TRADD: variants seen among roughly 807,000 people sequenced by gnomAD.
The protein encoded by TRADD is tumor necrosis factor receptor type 1-associated DEATH domain protein.
A neutral mutation model predicts 31.5 loss-of-function variants in TRADD; 14 were observed. The ratio of observed to expected loss-of-function variants is 0.44; its 90% CI spans 0.29 to 0.69. The LOEUF (loss-of-function observed/expected upper bound fraction) is 0.69, where lower values mean the gene tolerates loss of function less well. Ranked by LOEUF, TRADD falls within the 30% of genes least tolerant of loss-of-function variation. The probability of loss-of-function intolerance (pLI) is 0.11; values close to 1 mark genes in which losing one functional copy is unlikely to be tolerated. For synonymous variants in TRADD, 220 were observed against 215.8 expected, an observed-to-expected ratio of 1.02 and a Z score of -0.17; for missense variants, 388 against 435.7, an observed-to-expected ratio of 0.89 and a Z score of 0.97.
chr16:67,156,172 A>C lies in TRADD; in HGVS notation c.151+338T>G. 1.4e-6 allele frequency: 2 copies of C among 1,380,912 alleles called. No homozygotes were observed. The highest frequency in any genetic ancestry group is 1.9e-6 in the Non-Finnish European group (2 of 1,048,740). 85.5% of individuals were successfully genotyped at this position (1,380,912 alleles called of 1,614,324 possible). A position where few individuals can be genotyped will look rare whatever the true frequency, so the allele number is the denominator to read the frequency against. On this transcript the variant is annotated intron_variant, in intron 2 of 4. Coordinates refer to ENST00000345057, the MANE Select transcript of TRADD (RefSeq NM_003789.4). The surrounding 1 kb of genome is among the most constrained non-coding windows in gnomAD (Gnocchi z 4.6). Reference sequence around the variant, plus strand: ...GAAAGGGGGGCCTGGAAGGGTAGGTACTGGGGAGGGGTCTTGAGCAAGGAG... The same window carrying C: ...GAAAGGGGGGCCTGGAAGGGTAGGTCCTGGGGAGGGGTCTTGAGCAAGGAG...
intron 1 of TRADD, among the ~76,000 whole-genome samples, chr16:67,158,326 T>C (rs2030775636): frequency 6.6e-6 from 1 of 152,202 alleles, no homozygotes; most frequent in Non-Finnish European, 1.5e-5. Flanking sequence ...CCGCCATGCC[T>C]GGCTAGTTTT....
chr16:67,155,781 C>G, intron 2 of TRADD, 127 bp from the exon 3 acceptor site: 5 of 1,465,082 alleles, frequency 3.4e-6, no homozygotes, highest in Non-Finnish European at 4.5e-6. Flanking sequence ...GCAGTTACCC[C>G]AGAGTACCCA....
chr16:67,156,280 A>G lies in TRADD; in HGVS notation c.151+230T>C, dbSNP rs1597229552. ...AGCCGGCTGGTGGAGGGGGGCGGGG[A>G]TGGAGCAAAGGACGTTAGTGCACAA... is the stretch of plus-strand genomic sequence containing the variant. On this transcript the variant is annotated intron_variant, in intron 2 of 4. Coordinates refer to ENST00000345057, the MANE Select transcript of TRADD (RefSeq NM_003789.4). The surrounding 1 kb of genome is among the most constrained non-coding windows in gnomAD (Gnocchi z 4.6). 8.4e-7 allele frequency: 1 copy of G among 1,196,938 alleles called. No individual in the cohort carries two copies. The highest frequency in any genetic ancestry group is 1.2e-6 in the Non-Finnish European group (1 of 859,250). The allele number at this position is 1,196,938 out of a possible 1,614,324, so 74.1% of individuals were successfully genotyped here. A position where few individuals can be genotyped will look rare whatever the true frequency, so the allele number is the denominator to read the frequency against.
rs1487136097 is a variant in TRADD at position 67,159,007 on chromosome 16, G to A, written c.-9+831C>T. On this transcript the variant is annotated intron_variant, in intron 1 of 4. Coordinates refer to ENST00000345057, the MANE Select transcript of TRADD (RefSeq NM_003789.4). The surrounding 1 kb of genome is among the most constrained non-coding windows in gnomAD (Gnocchi z 6.8). ...GGGAGTACTGGGAACCTGGAGACTG[G>A]GGATGCTTTCTCACACTCACTAGTA... Among the ~76,000 whole-genome samples, 2 of 152,176 alleles carry A rather than the reference G, an allele frequency of 1.3e-5. No homozygotes were observed. Among genetic ancestry groups the A allele is most frequent in the South Asian group, 2.1e-4 (1 of 4,824 alleles).
Position 67,154,863 on chromosome 16 carries a change from C to G in TRADD, c.725G>C (p.Arg242Pro), listed in dbSNP as rs1002167686. 6.3e-7 allele frequency: 1 copy of G among 1,597,488 alleles called. No homozygotes were observed. The change falls in exon 5 of 5, where the codon CGG becomes CCG. Residue 242 changes from arginine to proline, a missense_variant. Transcript: ENST00000345057. The surrounding 1 kb of genome is among the most constrained non-coding windows in gnomAD (Gnocchi z 5.2). The part of the protein sequence containing the change: ...KVGRSLQRGC[R>P]ALRDPALDSL... Reference sequence around the variant, plus strand: ...GTCCAGCGCCGGGTCCCGCAGCGCCCGGCAGCCTCGCTGCAGTGAGCGCCC... The same window carrying G: ...GTCCAGCGCCGGGTCCCGCAGCGCCGGGCAGCCTCGCTGCAGTGAGCGCCC...
chr16:67,155,463 G>C lies in TRADD; in HGVS notation c.343C>G (p.Gln115Glu). 2 of 1,590,996 alleles carry C rather than the reference G, an allele frequency of 1.3e-6. No individual in the cohort carries two copies. Among genetic ancestry groups the C allele is most frequent in the Non-Finnish European group, 1.7e-6 (2 of 1,176,622 alleles). ...TCGGCGCCGGCGCGCAGCTCCAGTT[G>C]CAGCGGCACCGAGTGCTGGGCGAGC... ...AALAQHSVPL[Q>E]LELRAGAERL... The change falls in exon 3 of 5, where the codon CAA becomes GAA. Residue 115 changes from glutamine (Q) to glutamate (E), a missense_variant. Transcript: ENST00000345057.
At position 67,156,094 on chromosome 16, in the gene TRADD, C is replaced by T. The variant is rs1444684400; in HGVS notation, c.151+416G>A. The T allele has an allele frequency of 2.2e-6, 3 of 1,347,936 alleles. No homozygotes were observed. Among genetic ancestry groups the T allele is most frequent in the South Asian group, 2.5e-5 (2 of 81,526 alleles). The allele number at this position is 1,347,936 out of a possible 1,614,324, so 83.5% of individuals were successfully genotyped here. Reference sequence around the variant, plus strand: ...AGGGGCTCTCGCCGCTCTGAGGCCACGAACAGATCCCCCAACCCGCTTCAG... The same window carrying T: ...AGGGGCTCTCGCCGCTCTGAGGCCATGAACAGATCCCCCAACCCGCTTCAG... On this transcript the variant is annotated intron_variant, in intron 2 of 4. Coordinates refer to ENST00000345057, the MANE Select transcript of TRADD (RefSeq NM_003789.4). The surrounding 1 kb of genome is among the most constrained non-coding windows in gnomAD (Gnocchi z 4.6).
chr16:67,156,596 G>A lies in TRADD; in HGVS notation c.65C>T (p.Ser22Leu), dbSNP rs771540228. The change falls in exon 2 of 5, where the codon TCG (serine) becomes TTG (leucine). Residue 22 changes from serine to leucine, a missense_variant. Transcript: ENST00000345057. This position sits in a 1 kb window ranked among gnomAD's most constrained non-coding sequence, Gnocchi z 4.6. ...VGSAYLFVES[S>L]LDKVVLSDAY... ...ATCCGACAGGACCACCTTGTCCAGC[G>A]AGGACTCCACAAACAGGTATGCGCT... The A allele has an allele frequency of 5.6e-6, 9 of 1,613,946 alleles. No homozygotes were observed. Among genetic ancestry groups the A allele is most frequent in the East Asian group, 4.5e-5 (2 of 44,882 alleles).
Position 67,156,523 on chromosome 16 carries a change from C to G in TRADD, c.138G>C (p.Gln46His). ...QQKVAVYRALQAALAESGGSP... is the reference protein window; with the variant it reads ...QQKVAVYRALHAALAESGGSP... ...CCATCCACGCACCTGCCAAGGCAGC[C>G]TGCAGAGCCCTGTACACTGCCACCT... is the stretch of plus-strand genomic sequence containing the variant. The change falls in exon 2 of 5, where the codon CAG (glutamine) becomes CAC (histidine). Residue 46 changes from glutamine (Q) to histidine (H), a missense_variant. Gln to His is a conservative substitution (Grantham distance 24, BLOSUM62 0). Coordinates refer to ENST00000345057, the MANE Select transcript of TRADD (RefSeq NM_003789.4). The surrounding 1 kb of genome is among the most constrained non-coding windows in gnomAD (Gnocchi z 4.6). The G allele has an allele frequency of 6.2e-7, 1 of 1,613,118 alleles. No homozygotes were observed. Among genetic ancestry groups the G allele is most frequent in the Non-Finnish European group, 8.5e-7 (1 of 1,180,032 alleles).
In TRADD at chr16:67,156,221, G is replaced by A. The variant is rs971644175; in HGVS notation, c.151+289C>T. ...AGTGCTGCAGTAAGAGAGGAAAAGAGGAGAGAGACATCCACAATTAGTAGA... is the reference window on the plus strand; with the variant it reads ...AGTGCTGCAGTAAGAGAGGAAAAGAAGAGAGAGACATCCACAATTAGTAGA... On this transcript the variant is annotated intron_variant, in intron 2 of 4. Coordinates refer to ENST00000345057, the MANE Select transcript of TRADD (RefSeq NM_003789.4). This position sits in a 1 kb window ranked among gnomAD's most constrained non-coding sequence, Gnocchi z 4.6. 2 of 1,455,952 alleles carry A rather than the reference G, an allele frequency of 1.4e-6. No individual in the cohort carries two copies. The highest frequency in any genetic ancestry group is 1.8e-6 in the Non-Finnish European group (2 of 1,095,198). 90.2% of individuals were successfully genotyped at this position (1,455,952 alleles called of 1,614,324 possible).
At chr16:67,157,825 A>G (rs186247244) in intron 1 of TRADD, among the ~76,000 whole-genome samples, 1 of 152,286 alleles carries the variant, frequency 6.6e-6, no homozygotes, top group East Asian at 1.9e-4. Context: ...GAACCACTGC[A>G]CTGACCTACA....
chr16:67,154,237 G>T lies in TRADD; in HGVS notation c.*412C>A, dbSNP rs147846332. ...TTTATTATCATTGCTTAACATTCGG[G>T]GTCCCACGCTGAGTGTGAGCTGGGG... On this transcript the variant is annotated 3_prime_UTR_variant, in exon 5 of 5. Coordinates refer to ENST00000345057, the MANE Select transcript of TRADD (RefSeq NM_003789.4). The surrounding 1 kb of genome is among the most constrained non-coding windows in gnomAD (Gnocchi z 5.2). 9.9e-4 allele frequency: 272 copies of T among 276,044 alleles called. 1 individual carries two copies. The highest frequency in any genetic ancestry group is 5.7e-3 in the African/African-American group (262 of 45,618). The allele number at this position is 276,044 out of a possible 1,614,324, so 17.1% of individuals were successfully genotyped here.
rs777019195 is a variant in TRADD at position 67,156,619 on chromosome 16, G to A, written c.42C>T (p.Ser14=). 6.8e-6 allele frequency: 11 copies of A among 1,613,924 alleles called. No individual in the cohort carries two copies. Among genetic ancestry groups the A allele is most frequent in the Middle Eastern group, 1.6e-4 (1 of 6,084 alleles). ...GCGAGGACTCCACAAACAGGTATGC[G>A]CTGCCCACCCACTCTTCGTGCCCAT... ...GQNGHEEWVG[S]AYLFVESSLD... is the part of the protein sequence containing the mutation. Residue 14 remains serine (S), a synonymous_variant, in exon 2 of 5, where the codon AGC becomes AGT. Transcript: ENST00000345057. The surrounding 1 kb of genome is among the most constrained non-coding windows in gnomAD (Gnocchi z 4.6).
rs1216354045 is a variant in TRADD at position 67,159,644 on chromosome 16, C to A, written c.-9+194G>T. 6.6e-6 allele frequency among the ~76,000 whole-genome samples: 1 copy of A among 152,336 alleles called. No homozygotes were observed. The highest frequency in any genetic ancestry group is 1.9e-4 in the East Asian group (1 of 5,162). On this transcript the variant is annotated intron_variant, in intron 1 of 4. Coordinates refer to ENST00000345057, the MANE Select transcript of TRADD (RefSeq NM_003789.4). This position sits in a 1 kb window ranked among gnomAD's most constrained non-coding sequence, Gnocchi z 6.8. ...TGCACCTCGAAAGTGCTGGCAGGGA[C>A]GAGGAGCCTGCGGGGGCCAAATTCC...
At position 67,156,173 on chromosome 16, in the gene TRADD, C is replaced by G. The variant is rs2030688891; in HGVS notation, c.151+337G>C. The G allele has an allele frequency of 9.3e-6, 13 of 1,390,782 alleles. No homozygotes were observed. Among genetic ancestry groups the G allele is most frequent in the Non-Finnish European group, 1.2e-5 (13 of 1,055,198 alleles). 86.2% of individuals were successfully genotyped at this position (1,390,782 alleles called of 1,614,324 possible). A position where few individuals can be genotyped will look rare whatever the true frequency, so the allele number is the denominator to read the frequency against. On this transcript the variant is annotated intron_variant, in intron 2 of 4. Coordinates refer to ENST00000345057, the MANE Select transcript of TRADD (RefSeq NM_003789.4). The surrounding 1 kb of genome is among the most constrained non-coding windows in gnomAD (Gnocchi z 4.6). ...AAAGGGGGGCCTGGAAGGGTAGGTA[C>G]TGGGGAGGGGTCTTGAGCAAGGAGT...
chr16:67,155,823 A>G (rs760995861), intron 2 of TRADD, 169 bp from the exon 3 acceptor site: 60 of 1,473,438 alleles, frequency 4.1e-5, no homozygotes, highest in Non-Finnish European at 5.1e-5. Context: ...ACAAACAGCA[A>G]TAACCCAGAA....
chr16:67,157,366 G>A (rs942334687), intron 1 of TRADD, among the ~76,000 whole-genome samples: 1 of 152,194 alleles, frequency 6.6e-6, no homozygotes, highest in Non-Finnish European at 1.5e-5. Flanking sequence ...GCGGGGTATA[G>A]GACTTAAGTT....
rs1176318777 is a variant in TRADD at position 67,156,859 on chromosome 16, C to G, written c.-8-191G>C. Among the ~76,000 whole-genome samples, 1 of 152,200 alleles carries G rather than the reference C, an allele frequency of 6.6e-6. No homozygotes were observed. Among genetic ancestry groups the G allele is most frequent in the Non-Finnish European group, 1.5e-5 (1 of 68,020 alleles). On this transcript the variant is annotated intron_variant, in intron 1 of 4. Transcript: ENST00000345057. This position sits in a 1 kb window ranked among gnomAD's most constrained non-coding sequence, Gnocchi z 4.6. The stretch of plus-strand genomic sequence containing the variant: ...ATCTCACAGGAAGCCCCTTGAGCTC[C>G]TGGCTCTGTACAGAGTCCCACCCGC...
At position 67,156,056 on chromosome 16, in the gene TRADD, G is replaced by T. The variant is rs779077151; in HGVS notation, c.152-402C>A. ...GCCTCCACCAAGCGCGACTCCCACT[G>T]CTCGGGAAGAAGAGGGGCTCTCGCC... On this transcript the variant is annotated intron_variant, in intron 2 of 4. Transcript: ENST00000345057. This position sits in a 1 kb window ranked among gnomAD's most constrained non-coding sequence, Gnocchi z 4.6. 409 of 1,356,158 alleles carry T rather than the reference G, an allele frequency of 3.0e-4. No homozygotes were observed. The highest frequency in any genetic ancestry group is 3.8e-4 in the Non-Finnish European group (390 of 1,033,708). 84.0% of individuals were successfully genotyped at this position (1,356,158 alleles called of 1,614,324 possible). A position where few individuals can be genotyped will look rare whatever the true frequency, so the allele number is the denominator to read the frequency against.
Sources: gnomAD v4.1 joint callset for allele counts (sites outside exome capture counted in the v4.1 genomes callset) on GRCh38, gnomAD v4.1.1 for gene constraint, Gnocchi (gnomAD v3.1) non-coding constraint, MANE v1.5 for transcripts, NCBI Gene and HGNC (gene_info 2026-07-23, HGNC 2026-07-21) for gene names.